Variants in EPHA7 observed in about 807,000 individuals in gnomAD.
EPHA7 encodes EPH receptor A7, also known as ephrin type-A receptor 7.
EPHA7 carries 25 observed loss-of-function variants against 112.6 expected under a neutral mutation model. The ratio of observed to expected loss-of-function variants is 0.22; its 90% CI spans 0.16 to 0.31. The LOEUF (loss-of-function observed/expected upper bound fraction) is 0.31, where lower values mean the gene tolerates loss of function less well. Ranked by LOEUF, EPHA7 falls within the 10% of genes least tolerant of loss-of-function variation. EPHA7 has a pLI of 1.00. For synonymous variants in EPHA7, 437 were observed against 406.5 expected (o/e 1.07, Z -0.90); for missense variants, 962 against 1,212.6 (o/e 0.79, Z 3.07).
intron 5 of EPHA7, among the ~76,000 whole-genome samples, chr6:93,287,760 C>T (rs1199410992): frequency 6.6e-6 from 1 of 152,022 alleles, no homozygotes; most frequent in Non-Finnish European, 1.5e-5. Flanking sequence ...TATTTAGCTA[C>T]CACTTTGTTT....
intron 5 of EPHA7, among the ~76,000 whole-genome samples, chr6:93,329,314 AT>A (rs1774472760): frequency 6.6e-6 from 1 of 151,462 alleles, no homozygotes; most frequent in South Asian, 2.1e-4. Context: ...AGTAACTGAA[AT>A]GTTTAATTGC....
chr6:93,388,267 A>G (rs1292207025), intron 3 of EPHA7, among the ~76,000 whole-genome samples: 1 of 152,178 alleles, frequency 6.6e-6, no homozygotes, highest in Non-Finnish European at 1.5e-5. Context: ...GGATATTCAT[A>G]ATAGTCTTAA....
chr6:93,291,188 G>A (rs1695611687), intron 5 of EPHA7, among the ~76,000 whole-genome samples: 1 of 152,060 alleles, frequency 6.6e-6, no homozygotes, highest in African/African-American at 2.4e-5. Context: ...AAAAGCAATT[G>A]TGTAACATAT....
Position 93,242,131 on chromosome 6 carries a change from T to C in EPHA7, c.*1295A>G, listed in dbSNP as rs1769715091. On this transcript the variant is annotated 3_prime_UTR_variant, in exon 17 of 17. Transcript: ENST00000369303. Reference sequence around the variant, plus strand: ...TGCTTATGAAATTCTAACACAGTAATCAAATAATATGGTTTAATAAATAAA... The same window carrying C: ...TGCTTATGAAATTCTAACACAGTAACCAAATAATATGGTTTAATAAATAAA... The C allele has an allele frequency of 5.1e-6, 1 of 196,292 alleles. No homozygotes were observed. Among genetic ancestry groups the C allele is most frequent in the South Asian group, 1.9e-4 (1 of 5,224 alleles). The allele number at this position is 196,292 out of a possible 1,614,324, so 12.2% of individuals were successfully genotyped here.
intron 3 of EPHA7, among the ~76,000 whole-genome samples, chr6:93,365,830 T>G (rs1056789671): frequency 3.3e-5 from 5 of 152,164 alleles, no homozygotes; most frequent in Non-Finnish European, 7.4e-5. Context: ...TTTTTAAAAC[T>G]AACAAGAAAA....
intron 3 of EPHA7, among the ~76,000 whole-genome samples, chr6:93,394,293 T>G (rs1778056187): frequency 6.6e-6 from 1 of 151,672 alleles, no homozygotes; most frequent in Admixed American, 6.6e-5. Context: ...AATACGCACC[T>G]TTTATATATA....
At chr6:93,274,717 G>T (rs1001651755) in intron 5 of EPHA7, among the ~76,000 whole-genome samples, 1 of 151,898 alleles carries the variant, frequency 6.6e-6, no homozygotes. Context: ...TGGCCCTTGA[G>T]AATGGATAAA....
chr6:93,293,159 CTA>C (rs1199734387), intron 5 of EPHA7, among the ~76,000 whole-genome samples: 1 of 150,634 alleles, frequency 6.6e-6, no homozygotes, highest in Non-Finnish European at 1.5e-5. Context: ...ATAGAAAAGA[CTA>C]TGTAAACCCA....
chr6:93,328,171 G>A (rs962504594), intron 5 of EPHA7, among the ~76,000 whole-genome samples: 9 of 151,480 alleles, frequency 5.9e-5, no homozygotes, highest in African/African-American at 2.2e-4. Flanking sequence ...TTATTCAAAC[G>A]TCATTCCAAT....
chr6:93,389,401 C>T (rs12661215), intron 3 of EPHA7, among the ~76,000 whole-genome samples: 5,615 of 152,112 alleles, frequency 0.037, 194 homozygotes, highest in East Asian at 0.17. Flanking sequence ...ATAGCTTTCG[C>T]TTTCACACAG....
At chr6:93,374,712 T>A (rs574412494) in intron 3 of EPHA7, among the ~76,000 whole-genome samples, 1 of 152,184 alleles carries the variant, frequency 6.6e-6, no homozygotes, top group South Asian at 2.1e-4. Flanking sequence ...AACTCCTGAG[T>A]TCAAGTGCTA....
Position 93,241,625 on chromosome 6 carries a change from C to CA in EPHA7, c.*1800dup, listed in dbSNP as rs3214989. 20,620 of 212,298 alleles carry CA rather than the reference C, an allele frequency of 0.097. 1,100 individuals are homozygous for CA. Among genetic ancestry groups the CA allele is most frequent in the African/African-American group, 0.14 (6,143 of 43,340 alleles). The allele number at this position is 212,298 out of a possible 1,614,324, so 13.2% of individuals were successfully genotyped here. A position where few individuals can be genotyped will look rare whatever the true frequency, so the allele number is the denominator to read the frequency against. ...ATAACACTGTACAGTGATTTAAAAC[C>CA]AAAAAAAAAGGGTGGGGAGGGGTTT... On this transcript the variant is annotated 3_prime_UTR_variant, in exon 17 of 17. Coordinates refer to ENST00000369303, the MANE Select transcript of EPHA7 (RefSeq NM_004440.4).
chr6:93,408,321 A>AC (rs1778814508), intron 3 of EPHA7, among the ~76,000 whole-genome samples: 1 of 152,066 alleles, frequency 6.6e-6, no homozygotes, highest in Admixed American at 6.6e-5. Context: ...TGCTGAATCC[A>AC]CCATCACTTT....
At chr6:93,394,342 TGA>T (rs1281887669) in intron 3 of EPHA7, among the ~76,000 whole-genome samples, 3 of 151,448 alleles carry the variant, frequency 2.0e-5, no homozygotes, top group African/African-American at 7.2e-5. Flanking sequence ...AAACAATTGA[TGA>T]GAGAGAGAGA....
chr6:93,414,403 G>A (rs975664006), intron 2 of EPHA7, among the ~76,000 whole-genome samples: 5 of 151,872 alleles, frequency 3.3e-5, no homozygotes, highest in Non-Finnish European at 7.4e-5. Flanking sequence ...GTGAGTTTGT[G>A]AAAGGAATGT....
chr6:93,277,555 T>C (rs1349800568), intron 5 of EPHA7, among the ~76,000 whole-genome samples: 5 of 152,026 alleles, frequency 3.3e-5, no homozygotes, highest in Non-Finnish European at 7.4e-5. Context: ...TCTTTTGTGA[T>C]AGACGTCTGT....
At chr6:93,312,734 A>G (rs1268485222) in intron 5 of EPHA7, among the ~76,000 whole-genome samples, 1 of 152,158 alleles carries the variant, frequency 6.6e-6, no homozygotes, top group Non-Finnish European at 1.5e-5. Flanking sequence ...AGCTTTCCAC[A>G]TGCCTTCCTC....
chr6:93,318,883 A>T (rs1290561988), intron 5 of EPHA7, among the ~76,000 whole-genome samples: 2 of 152,144 alleles, frequency 1.3e-5, no homozygotes, highest in East Asian at 3.9e-4. Flanking sequence ...TTTCTGAAAA[A>T]TACAATGAAT....
intron 3 of EPHA7, among the ~76,000 whole-genome samples, chr6:93,360,007 G>A (rs1262609742): frequency 6.6e-6 from 1 of 152,046 alleles, no homozygotes; most frequent in African/African-American, 2.4e-5. Flanking sequence ...AGTTGGCTAT[G>A]TTGTCTTTAG....
Sources: allele counts gnomAD v4.1 joint callset (sites outside exome capture counted in the v4.1 genomes callset), GRCh38; gene constraint gnomAD v4.1.1; transcripts MANE v1.5; gene names NCBI Gene and HGNC (gene_info 2026-07-23, HGNC 2026-07-21).